The following DNAAF4 variants were observed in gnomAD, a reference collection of about 807,000 sequenced individuals.
DNAAF4 encodes the protein dynein assembly factor 4, axonemal.
Under a neutral mutation model 51.8 loss-of-function variants are expected in DNAAF4, and 43 were observed. That is an observed-to-expected ratio of 0.83 (90% confidence interval 0.65 to 1.07). The LOEUF (loss-of-function observed/expected upper bound fraction) is 1.07, where lower values mean the gene tolerates loss of function less well. DNAAF4 is among the 50% of genes least tolerant of loss of function. The pLI is 0.00. For missense variants in DNAAF4, 581 were observed against 493.0 expected, an observed-to-expected ratio of 1.18 and a Z score of -1.69; for synonymous variants, 194 against 165.6, an observed-to-expected ratio of 1.17 and a Z score of -1.32.
intron 8 of DNAAF4, among the ~76,000 whole-genome samples, chr15:55,433,782 AAC>A (rs1371247449): frequency 1.9e-5 from 2 of 107,740 alleles, no homozygotes. Context: ...GTTTTTATAA[AAC>A]AAATATATAT....
At chr15:55,477,252 T>C (rs2058348136) in intron 4 of DNAAF4, among the ~76,000 whole-genome samples, 1 of 152,146 alleles carries the variant, frequency 6.6e-6, no homozygotes, top group South Asian at 2.1e-4. Context: ...CATGGAACTG[T>C]ATACTTAAAG....
At chr15:55,444,068 T>C (rs534888652) in intron 6 of DNAAF4, among the ~76,000 whole-genome samples, 4 of 152,218 alleles carry the variant, frequency 2.6e-5, no homozygotes, top group Non-Finnish European at 5.9e-5. Context: ...TTTGTCAATT[T>C]TGGCTTTTGT....
chr15:55,433,958 TA>T (rs372510081), intron 8 of DNAAF4, among the ~76,000 whole-genome samples: 2 of 12,660 alleles, frequency 1.6e-4, no homozygotes, highest in African/African-American at 6.4e-4. Flanking sequence ...ATATATAATA[TA>T]TATAATATAT....
chr15:55,432,658 G>T, intron 8 of DNAAF4, 56 bp from the exon 9 acceptor site: 2 of 1,488,530 alleles, frequency 1.3e-6, no homozygotes, highest in Non-Finnish European at 1.8e-6. Context: ...ATTTAAACAA[G>T]CAAAAGGCTG....
intron 5 of DNAAF4, among the ~76,000 whole-genome samples, chr15:55,462,520 G>A (rs1201248163): frequency 6.6e-6 from 1 of 151,128 alleles, no homozygotes; most frequent in East Asian, 1.9e-4. Context: ...CATTCTAAGA[G>A]AACTGGTACC....
chr15:55,426,535 T>C (rs2057432278), downstream of DNAAF4, among the ~76,000 whole-genome samples: 1 of 152,182 alleles, frequency 6.6e-6, no homozygotes. Context: ...GTCTCAGTCA[T>C]TGTCCTGCCT....
Position 55,498,315 on chromosome 15 carries a change from A to T in DNAAF4, c.15T>A (p.Val5=). The T allele has an allele frequency of 6.2e-7, 1 of 1,610,676 alleles. No individual in the cohort carries two copies. The highest frequency in any genetic ancestry group is 1.7e-4 in the Middle Eastern group (1 of 6,048). Residue 5 remains valine (V), a synonymous_variant, in exon 2 of 10, where the codon GTT becomes GTA. Transcript: ENST00000321149. Reference sequence around the variant, plus strand: ...TCGTCTGCTGCCAGCTGTAATCGCTAACCTGAAGAGGCATTCCGGTAGCAA... The same window carrying T: ...TCGTCTGCTGCCAGCTGTAATCGCTTACCTGAAGAGGCATTCCGGTAGCAA... MPLQ[V]SDYSWQQTKT...
At chr15:55,502,376 G>T (rs1423443650) in intron 1 of DNAAF4, among the ~76,000 whole-genome samples, 2 of 152,010 alleles carry the variant, frequency 1.3e-5, no homozygotes, top group Non-Finnish European at 2.9e-5. Flanking sequence ...ATTATTTTAA[G>T]CTGAAGGAAT....
At chr15:55,453,785 C>T (rs1025511353) in intron 5 of DNAAF4, among the ~76,000 whole-genome samples, 6 of 151,692 alleles carry the variant, frequency 4.0e-5, no homozygotes, top group East Asian at 3.9e-4. Context: ...CTCCTGACCT[C>T]GTGATCCACC....
intron 4 of DNAAF4, among the ~76,000 whole-genome samples, chr15:55,487,783 A>G (rs2058513429): frequency 6.6e-6 from 1 of 152,130 alleles, no homozygotes; most frequent in African/African-American, 2.4e-5. Context: ...ACACATTAGG[A>G]TATTATTTCT....
chr15:55,486,702 C>T (rs1194695764), intron 4 of DNAAF4, among the ~76,000 whole-genome samples: 6 of 151,546 alleles, frequency 4.0e-5, no homozygotes, highest in Non-Finnish European at 5.9e-5. Context: ...GAGGATCTCT[C>T]GAACCTGCGA....
chr15:55,453,671 C>A (rs1428594473), intron 5 of DNAAF4, among the ~76,000 whole-genome samples: 1 of 151,472 alleles, frequency 6.6e-6, no homozygotes, highest in Non-Finnish European at 1.5e-5. Flanking sequence ...CTGCCTCAGC[C>A]TCCTGAGTAG....
intron 5 of DNAAF4, among the ~76,000 whole-genome samples, chr15:55,458,735 G>C (rs573221087): frequency 2.6e-5 from 4 of 152,264 alleles, no homozygotes; most frequent in African/African-American, 9.6e-5. Flanking sequence ...TAGGCACATA[G>C]TCATCACATT....
chr15:55,418,095 A>T, exon 8 of DNAAF4: 1 of 1,584,084 alleles, frequency 6.3e-7, no homozygotes, highest in Non-Finnish European at 8.5e-7. Flanking sequence ...GCTTGGGCTC[A>T]GAGGCCTGAC....
chr15:55,490,031 G>A (rs930153886), intron 4 of DNAAF4, among the ~76,000 whole-genome samples: 6 of 151,772 alleles, frequency 4.0e-5, no homozygotes, highest in African/African-American at 9.7e-5. Context: ...CCACCACCAC[G>A]CGCGGCTGAT....
chr15:55,486,675 T>C (rs1000296108), intron 4 of DNAAF4, among the ~76,000 whole-genome samples: 1 of 152,052 alleles, frequency 6.6e-6, no homozygotes, highest in Non-Finnish European at 1.5e-5. Context: ...TCCTAGCTAC[T>C]TGGGAAGCTG....
intron 8 of DNAAF4, among the ~76,000 whole-genome samples, chr15:55,433,697 A>T (rs1026922472): frequency 2.5e-4 from 34 of 137,048 alleles, no homozygotes; most frequent in African/African-American, 8.7e-4. Flanking sequence ...GGAATTTAGC[A>T]AATATAAATA....
intron 4 of DNAAF4, among the ~76,000 whole-genome samples, chr15:55,480,838 A>G (rs559070098): frequency 1.3e-5 from 2 of 152,316 alleles, no homozygotes; most frequent in East Asian, 1.9e-4. Context: ...AAGAGGACTG[A>G]TAAGGTTGGG....
intron 6 of DNAAF4, 127 bp downstream of exon 6, chr15:55,450,095 T>C (rs867523290): frequency 1.1e-5 from 12 of 1,106,664 alleles, no homozygotes; most frequent in African/African-American, 9.5e-5. Flanking sequence ...CTAAAACATA[T>C]TCATGACGTT....
Sources: allele counts gnomAD v4.1 joint callset (sites outside exome capture counted in the v4.1 genomes callset), GRCh38; gene constraint gnomAD v4.1.1; transcripts MANE v1.5; gene names NCBI Gene and HGNC (gene_info 2026-07-23, HGNC 2026-07-21).